The following ZNRF3 variants were observed in gnomAD, a reference collection of about 807,000 sequenced individuals.
ZNRF3 encodes zinc and ring finger 3, also known as E3 ubiquitin-protein ligase ZNRF3.
In ZNRF3, 23 loss-of-function variants were observed where a neutral mutation model predicts 72.5. The observed-to-expected ratio is 0.32, with a 90% confidence interval of 0.23 to 0.45. The LOEUF (loss-of-function observed/expected upper bound fraction) is 0.45, where lower values mean the gene tolerates loss of function less well. Among genes scored for constraint, ZNRF3 ranks in the 20% least tolerant of loss-of-function variants. The pLI, the probability that ZNRF3 is intolerant of heterozygous loss-of-function variation, is 1.00. For missense variants in ZNRF3, 1,169 were observed against 1,272.1 expected (o/e 0.92, Z 1.23); for synonymous variants, 610 against 545.3 (o/e 1.12, Z -1.65).
At chr22:28,924,669 C>T (rs912544741) in intron 1 of ZNRF3, among the ~76,000 whole-genome samples, 1 of 151,984 alleles carries the variant, frequency 6.6e-6, no homozygotes, top group African/African-American at 2.4e-5. Flanking sequence ...CCCATAAGTT[C>T]GAGACTACAG....
chr22:28,925,764 G>A lies in ZNRF3; in HGVS notation c.300+41698G>A, dbSNP rs1016565599. Among the ~76,000 whole-genome samples, 5 of 152,220 alleles carry A rather than the reference G, an allele frequency of 3.3e-5. No homozygotes were observed. The East Asian group carries it at 7.7e-4, about 24-fold the overall frequency. On this transcript the variant is annotated intron_variant, in intron 1 of 8. Coordinates refer to ENST00000544604, the MANE Select transcript of ZNRF3 (RefSeq NM_001206998.2). Reference sequence around the variant, plus strand: ...AGTGGAGCAATCATGAATCACTACAGCCTCAACTTCCTGAACTCAGGTGAT... The same window carrying A: ...AGTGGAGCAATCATGAATCACTACAACCTCAACTTCCTGAACTCAGGTGAT...
chr22:29,006,213 C>CTTTTTTTTTT (rs372438825), intron 2 of ZNRF3, among the ~76,000 whole-genome samples: 35 of 106,510 alleles, frequency 3.3e-4, no homozygotes, highest in Non-Finnish European at 4.8e-4. Context: ...TCATCCGTTT[C>CTTTTTTTTTT]TTTTTTTTTT....
intron 1 of ZNRF3, among the ~76,000 whole-genome samples, chr22:28,887,403 A>C (rs956819123): frequency 1.3e-5 from 2 of 151,900 alleles, no homozygotes; most frequent in African/African-American, 2.4e-5. Context: ...TCAGTTTGTC[A>C]GTGTCAGAGA....
At chr22:28,910,221 A>G (rs1367421323) in intron 1 of ZNRF3, among the ~76,000 whole-genome samples, 1 of 151,986 alleles carries the variant, frequency 6.6e-6, no homozygotes, top group African/African-American at 2.4e-5. Context: ...GTGTGTTTTT[A>G]GTAGAGACGG....
chr22:28,947,391 C>A (rs1365014057), intron 1 of ZNRF3, among the ~76,000 whole-genome samples: 1 of 152,182 alleles, frequency 6.6e-6, no homozygotes, highest in Non-Finnish European at 1.5e-5. Flanking sequence ...ATTGCTGGGT[C>A]ATATTTGCCA....
intron 2 of ZNRF3, among the ~76,000 whole-genome samples, chr22:29,013,750 G>A (rs1329808487): frequency 2.0e-5 from 3 of 152,210 alleles, no homozygotes; most frequent in Admixed American, 2.0e-4. Context: ...AGGGGACTCA[G>A]ATATCAAGAA....
rs1966459233 is a variant in ZNRF3, at chr22:28,883,967, G to A, written c.201G>A (p.Glu67=). Reference sequence around the variant, plus strand: ...CGTTCGTGGAGGTGGTGCTGTTCGAGTCGAGCCCAAGCGGCGATTACACCA... The same window carrying A: ...CGTTCGTGGAGGTGGTGCTGTTCGAATCGAGCCCAAGCGGCGATTACACCA... ...ETAFVEVVLF[E]SSPSGDYTTY... Residue 67 remains glutamate (E), a synonymous_variant, in exon 1 of 9, where the codon GAG becomes GAA. Transcript: ENST00000544604. The surrounding 1 kb of genome is among the most constrained non-coding windows in gnomAD (Gnocchi z 5.5). 1 of 1,308,378 alleles carries A rather than the reference G, an allele frequency of 7.6e-7. No homozygotes were observed. The allele number at this position is 1,308,378 out of a possible 1,614,324, so 81.0% of individuals were successfully genotyped here. A position where few individuals can be genotyped will look rare whatever the true frequency, so the allele number is the denominator to read the frequency against.
chr22:28,923,933 C>T lies in ZNRF3; in HGVS notation c.300+39867C>T, dbSNP rs527669502. Among the ~76,000 whole-genome samples, 13 of 152,322 alleles carry T rather than the reference C, an allele frequency of 8.5e-5. No homozygotes were observed. In the East Asian group the frequency reaches 1.3e-3, roughly 16 times the overall value. On this transcript the variant is annotated intron_variant, in intron 1 of 8. Transcript: ENST00000544604. ...CCGAGCGGGCGAGGCCATGGCTTTG[C>T]GCTGGCCGGGCAATCATGATGATCT...
chr22:28,940,194 G>A lies in ZNRF3; in HGVS notation c.301-46882G>A, dbSNP rs140565287. Reference sequence around the variant, plus strand: ...GGGAGCATTCTGGCAGGGATTCTGGGCCAGTGAAATTGGAATAATACTGTA... The same window carrying A: ...GGGAGCATTCTGGCAGGGATTCTGGACCAGTGAAATTGGAATAATACTGTA... On this transcript the variant is annotated intron_variant, in intron 1 of 8. Coordinates refer to ENST00000544604, the MANE Select transcript of ZNRF3 (RefSeq NM_001206998.2). 5.2e-3 allele frequency among the ~76,000 whole-genome samples: 792 copies of A among 152,264 alleles called. 5 individuals carry two copies. Among genetic ancestry groups the A allele is most frequent in the Non-Finnish European group, 8.5e-3 (575 of 68,024 alleles).
In ZNRF3 at chr22:29,023,008, A is replaced by AC. The variant is rs1340781035; in HGVS notation, c.427-19481dup. ...CCCATTAAGTAATTTCTCATCGTCC[A>AC]CCCCCCTCCCACCTCCAACAAATTG... On this transcript the variant is annotated intron_variant, in intron 2 of 8. Coordinates refer to ENST00000544604, the MANE Select transcript of ZNRF3 (RefSeq NM_001206998.2). Among the ~76,000 whole-genome samples the AC allele has an allele frequency of 2.0e-5, 3 of 151,868 alleles. No homozygotes were observed. In the South Asian group the frequency reaches 6.2e-4, roughly 32 times the overall value.
intron 2 of ZNRF3, among the ~76,000 whole-genome samples, chr22:29,038,080 T>C (rs978561247): frequency 2.0e-5 from 3 of 152,182 alleles, no homozygotes; most frequent in Admixed American, 2.0e-4. Flanking sequence ...ATCCTTTCTT[T>C]GAAAGGGCCC....
At chr22:29,014,593 T>C (rs1048180634) in intron 2 of ZNRF3, among the ~76,000 whole-genome samples, 2 of 152,230 alleles carry the variant, frequency 1.3e-5, no homozygotes, top group Admixed American at 1.3e-4. Flanking sequence ...ATCTCCCTTT[T>C]GTAGCTCAGT....
chr22:28,907,393 T>G lies in ZNRF3; in HGVS notation c.300+23327T>G, dbSNP rs562905472. Among the ~76,000 whole-genome samples the G allele has an allele frequency of 1.2e-4, 19 of 152,278 alleles. No homozygotes were observed. In the East Asian group the frequency reaches 3.7e-3, roughly 29 times the overall value. On this transcript the variant is annotated intron_variant, in intron 1 of 8. Coordinates refer to ENST00000544604, the MANE Select transcript of ZNRF3 (RefSeq NM_001206998.2). ...ATGGCCTTGTGCTGTCCTTCAACTC[T>G]CATTTTAATCTTATCTAATTTTCTC... is the stretch of plus-strand genomic sequence containing the variant.
At chr22:29,019,753 C>G (rs1399746987) in intron 2 of ZNRF3, among the ~76,000 whole-genome samples, 1 of 152,138 alleles carries the variant, frequency 6.6e-6, no homozygotes, top group Non-Finnish European at 1.5e-5. Context: ...CTCAACAACC[C>G]TATAAAGTAC....
chr22:29,019,004 C>T (rs989390144), intron 2 of ZNRF3, among the ~76,000 whole-genome samples: 1 of 151,076 alleles, frequency 6.6e-6, no homozygotes, highest in Non-Finnish European at 1.5e-5. Context: ...TGGCCTCACT[C>T]AAGTGTTTGG....
chr22:28,970,842 G>C (rs570541762), intron 1 of ZNRF3, among the ~76,000 whole-genome samples: 1 of 152,330 alleles, frequency 6.6e-6, no homozygotes, highest in South Asian at 2.1e-4. Context: ...AATCAGATCG[G>C]TGATAGTCTG....
intron 1 of ZNRF3, among the ~76,000 whole-genome samples, chr22:28,967,484 T>C (rs1210172389): frequency 6.6e-6 from 1 of 152,226 alleles, no homozygotes; most frequent in African/African-American, 2.4e-5. Flanking sequence ...TTCAGTGAAG[T>C]AGAACCGTGG....
intron 2 of ZNRF3, among the ~76,000 whole-genome samples, chr22:28,999,163 CAAAAA>C (rs10601140): frequency 9.5e-5 from 6 of 63,448 alleles, no homozygotes; most frequent in African/African-American, 1.7e-4. Flanking sequence ...AATAAAAATA[CAAAAA>C]AAAAAAAAAA....
At chr22:28,948,519 T>C (rs2035094925) in intron 1 of ZNRF3, among the ~76,000 whole-genome samples, 1 of 152,234 alleles carries the variant, frequency 6.6e-6, no homozygotes, top group African/African-American at 2.4e-5. Flanking sequence ...CCTTGTTTTA[T>C]ATATTTGCAA....
Sources: allele counts gnomAD v4.1 joint callset (sites outside exome capture counted in the v4.1 genomes callset), GRCh38; gene constraint gnomAD v4.1.1; non-coding constraint Gnocchi (gnomAD v3.1); transcripts MANE v1.5; gene names NCBI Gene and HGNC (gene_info 2026-07-23, HGNC 2026-07-21).